STK32B: variants seen among roughly 807,000 people sequenced by gnomAD.
STK32B encodes serine/threonine kinase 32B.
In STK32B, 43 loss-of-function variants were observed where a neutral mutation model predicts 52.6. The observed-to-expected ratio is 0.82, with a 90% confidence interval of 0.64 to 1.05. The LOEUF (loss-of-function observed/expected upper bound fraction) is 1.05, where lower values mean the gene tolerates loss of function less well. Among genes scored for constraint, STK32B ranks in the 50% least tolerant of loss-of-function variants. The pLI is 0.00. For synonymous variants in STK32B, 238 were observed against 204.3 expected (o/e 1.17, Z -1.41); for missense variants, 621 against 534.6 (o/e 1.16, Z -1.59).
At chr4:5,348,391 C>T (rs542458799) in intron 4 of STK32B, among the ~76,000 whole-genome samples, 59 of 152,296 alleles carry the variant, frequency 3.9e-4, no homozygotes, top group African/African-American at 1.4e-3. Flanking sequence ...TGCATTCTTC[C>T]CTAGGGCCCA....
intron 3 of STK32B, among the ~76,000 whole-genome samples, chr4:5,257,635 A>C (rs866909185): frequency 1.5e-4 from 23 of 152,200 alleles, no homozygotes; most frequent in Admixed American, 2.6e-4. Flanking sequence ...AGTGACTCCC[A>C]CTTCACTTAA....
At chr4:5,474,895 A>G (rs530584279) in intron 11 of STK32B, among the ~76,000 whole-genome samples, 164 of 152,202 alleles carry the variant, frequency 1.1e-3, no homozygotes, top group African/African-American at 3.9e-3. Flanking sequence ...AATGAGGTGG[A>G]GGGGAGGGAA....
chr4:5,384,549 C>T (rs1736123265), intron 4 of STK32B, among the ~76,000 whole-genome samples: 1 of 152,052 alleles, frequency 6.6e-6, no homozygotes, highest in African/African-American at 2.4e-5. Context: ...AACTCAATTC[C>T]CTGGTTGTAT....
At chr4:5,136,821 T>G (rs1716107454) in intron 1 of STK32B, among the ~76,000 whole-genome samples, 2 of 152,218 alleles carry the variant, frequency 1.3e-5, no homozygotes, top group African/African-American at 4.8e-5. Context: ...TATGTCAGTG[T>G]CAGTGTAGTA....
chr4:5,439,194 G>T (rs1449504081), intron 6 of STK32B, among the ~76,000 whole-genome samples: 1 of 149,498 alleles, frequency 6.7e-6, no homozygotes, highest in Non-Finnish European at 1.5e-5. Context: ...TTCCACAATG[G>T]TTGAACTAGT....
At chr4:5,334,129 TC>T (rs1352130556) in intron 4 of STK32B, among the ~76,000 whole-genome samples, 1 of 151,996 alleles carries the variant, frequency 6.6e-6, no homozygotes, top group Non-Finnish European at 1.5e-5. Context: ...TTCTTCCATT[TC>T]TTTGTATCCT....
In STK32B at chr4:5,394,219, G is replaced by A. The variant is rs982490468; in HGVS notation, c.435-3988G>A. ...TGGGGAATAATTCAAGAGCAGCACC[G>A]GGTTTTATAGCCCTGCATGCGTACT... On this transcript the variant is annotated intron_variant, in intron 4 of 11. Coordinates refer to ENST00000282908, the MANE Select transcript of STK32B (RefSeq NM_018401.3). The surrounding 1 kb of genome is among the most constrained non-coding windows in gnomAD (Gnocchi z 4.2). Among the ~76,000 whole-genome samples, 4 of 152,066 alleles carry A rather than the reference G, an allele frequency of 2.6e-5. No homozygotes were observed. The highest frequency in any genetic ancestry group is 4.4e-5 in the Non-Finnish European group (3 of 68,022).
At chr4:5,291,552 C>A (rs771253906) in intron 3 of STK32B, among the ~76,000 whole-genome samples, 2 of 152,220 alleles carry the variant, frequency 1.3e-5, no homozygotes, top group Non-Finnish European at 2.9e-5. Context: ...TAATAGGTTT[C>A]TTTGCAGATT....
At chr4:5,250,776 A>G (rs923587233) in intron 3 of STK32B, among the ~76,000 whole-genome samples, 4 of 152,158 alleles carry the variant, frequency 2.6e-5, no homozygotes, top group South Asian at 2.1e-4. Context: ...GTGAGATGGC[A>G]TCTCATTGTG....
chr4:5,349,066 A>G (rs1287741670), intron 4 of STK32B, among the ~76,000 whole-genome samples: 1 of 147,496 alleles, frequency 6.8e-6, no homozygotes, highest in African/African-American at 2.6e-5. Context: ...CATTGTGACT[A>G]CCCATCATTC....
chr4:5,054,727 G>A (rs1741931852), intron 1 of STK32B, among the ~76,000 whole-genome samples: 1 of 152,190 alleles, frequency 6.6e-6, no homozygotes, highest in Non-Finnish European at 1.5e-5. Flanking sequence ...CATAGTCATT[G>A]CGTGGTTGAA....
intron 4 of STK32B, among the ~76,000 whole-genome samples, chr4:5,349,462 C>T (rs1436061363): frequency 2.0e-5 from 3 of 151,976 alleles, no homozygotes; most frequent in African/African-American, 7.2e-5. Context: ...ACTGCCAACA[C>T]AATATACACA....
chr4:5,212,670 C>T (rs1422906574), intron 3 of STK32B, among the ~76,000 whole-genome samples: 2 of 152,196 alleles, frequency 1.3e-5, no homozygotes, highest in African/African-American at 4.8e-5. Flanking sequence ...CATTTGTCAT[C>T]GTCCCTTAAA....
At chr4:5,019,976 C>T in the STK32B span, among the ~76,000 whole-genome samples, 2 of 152,134 alleles carry the variant, frequency 1.3e-5, no homozygotes, top group African/African-American at 2.4e-5. Context: ...CCGGTGTCCT[C>T]GTCCATCAAT....
At chr4:5,026,348 G>C in the STK32B span, among the ~76,000 whole-genome samples, 13 of 152,314 alleles carry the variant, frequency 8.5e-5, no homozygotes, top group African/African-American at 2.4e-4. Flanking sequence ...TCCCAAGACT[G>C]GGTAATTTAT....
chr4:5,354,935 C>T (rs367589119), intron 4 of STK32B, among the ~76,000 whole-genome samples: 1 of 152,294 alleles, frequency 6.6e-6, no homozygotes, highest in African/African-American at 2.4e-5. Flanking sequence ...CCTTAATCCG[C>T]TGTAGCTGGC....
intron 4 of STK32B, among the ~76,000 whole-genome samples, chr4:5,338,279 A>G (rs1732838625): frequency 6.6e-6 from 1 of 152,214 alleles, no homozygotes; most frequent in Non-Finnish European, 1.5e-5. Flanking sequence ...TAGTAGTAGT[A>G]AAGATATTGT....
At chr4:5,242,747 T>C (rs1284997970) in intron 3 of STK32B, among the ~76,000 whole-genome samples, 3 of 152,222 alleles carry the variant, frequency 2.0e-5, no homozygotes, top group Non-Finnish European at 4.4e-5. Context: ...CTTGCATTAA[T>C]TTTTGTATAA....
At chr4:5,223,335 G>A (rs943100148) in intron 3 of STK32B, among the ~76,000 whole-genome samples, 9 of 152,188 alleles carry the variant, frequency 5.9e-5, no homozygotes, top group Non-Finnish European at 8.8e-5. Flanking sequence ...GCAATGCCTA[G>A]TGGAATCATG....
Sources: gnomAD v4.1 joint callset for allele counts (sites outside exome capture counted in the v4.1 genomes callset) on GRCh38, gnomAD v4.1.1 for gene constraint, Gnocchi (gnomAD v3.1) non-coding constraint, MANE v1.5 for transcripts, NCBI Gene and HGNC (gene_info 2026-07-23, HGNC 2026-07-21) for gene names.